AIF1L: variants seen among roughly 807,000 people sequenced by gnomAD.
AIF1L encodes the protein allograft inflammatory factor 1-like.
A neutral mutation model predicts 20.7 loss-of-function variants in AIF1L; 12 were observed. The observed-to-expected ratio is 0.58, with a 90% confidence interval of 0.37 to 0.94. The LOEUF is 0.94. Ranked by LOEUF, AIF1L falls within the 40% of genes least tolerant of loss-of-function variation. The probability of loss-of-function intolerance (pLI) is 0.01; values close to 1 mark genes in which losing one functional copy is unlikely to be tolerated. For synonymous variants in AIF1L, 76 were observed against 65.1 expected (o/e 1.17, Z -0.81); for missense variants, 173 against 185.3 (o/e 0.93, Z 0.39).
Position 131,114,610 on chromosome 9 carries a change from G to C in AIF1L, c.194G>C (p.Gly65Ala), listed in dbSNP as rs977308355. ...KYMEFDLNNE[G>A]EIDLMSLKRM... ...ATGGAGTTTGACCTGAACAATGAAG[G>C]CGAGATTGGTGAGTGAAGCCTTGAG... is the stretch of plus-strand genomic sequence containing the variant. Residue 65 changes from glycine to alanine, a missense_variant, in exon 4 of 6, where the codon GGC becomes GCC. Transcript: ENST00000247291. 11 of 1,614,038 alleles carry C rather than the reference G, an allele frequency of 6.8e-6. No homozygotes were observed. The African/African-American group carries it at 1.3e-4, about 20-fold the overall frequency.
rs1433954176 is a variant in AIF1L, at chr9:131,123,111, T to G, written c.*2789T>G. ...GGAGTGTGCGTGGACTGGGATATCA[T>G]CTCTACAGCCTGCAAATAAACCAGA... On this transcript the variant is annotated 3_prime_UTR_variant, in exon 6 of 6. Transcript: ENST00000247291. 2 of 152,284 alleles carry G rather than the reference T, an allele frequency of 1.3e-5. No homozygotes were observed. The highest frequency in any genetic ancestry group is 2.9e-5 in the Non-Finnish European group (2 of 68,066). The allele number at this position is 152,284 out of a possible 1,614,324, so 9.4% of individuals were successfully genotyped here.
intron 2 of AIF1L, among the ~76,000 whole-genome samples, chr9:131,097,208 A>G (rs944533031): frequency 3.9e-5 from 6 of 152,216 alleles, no homozygotes; most frequent in Admixed American, 2.6e-4. Context: ...GCCCTAGGCC[A>G]GTGATCTCTC....
intron 2 of AIF1L, among the ~76,000 whole-genome samples, chr9:131,106,594 G>A (rs1356973818): frequency 1.3e-5 from 2 of 151,492 alleles, no homozygotes; most frequent in East Asian, 1.9e-4. Flanking sequence ...ACCAGCCTGG[G>A]CAACAGAGGG....
intron 2 of AIF1L, among the ~76,000 whole-genome samples, chr9:131,106,833 C>T (rs995251539): frequency 3.9e-5 from 6 of 151,942 alleles, no homozygotes; most frequent in Non-Finnish European, 4.4e-5. Flanking sequence ...TGGTGGCTCA[C>T]GCCTGTGATG....
At chr9:131,110,131 G>C (rs1340733267) in intron 2 of AIF1L, among the ~76,000 whole-genome samples, 1 of 152,198 alleles carries the variant, frequency 6.6e-6, no homozygotes, top group African/African-American at 2.4e-5. Flanking sequence ...AGGATCACTT[G>C]AGATCGGGAG....
chr9:131,102,959 G>A (rs1398664567), intron 2 of AIF1L: 2 of 456,264 alleles, frequency 4.4e-6, no homozygotes, highest in Non-Finnish European at 4.4e-6. Flanking sequence ...TGGAGGGCCA[G>A]GAGCAAGGGT....
intron 2 of AIF1L, among the ~76,000 whole-genome samples, chr9:131,101,756 CT>C (rs1199184949): frequency 2.6e-5 from 4 of 151,952 alleles, no homozygotes; most frequent in African/African-American, 9.7e-5. Flanking sequence ...ACCCTGGCCC[CT>C]GTCACCAGGT....
intron 2 of AIF1L, chr9:131,106,071 G>A (rs1281101612): frequency 4.0e-5 from 46 of 1,152,744 alleles, no homozygotes; most frequent in Non-Finnish European, 5.4e-5. Context: ...CTCCCTCCTC[G>A]GGCTCCTCAA....
chr9:131,106,353 G>A lies in AIF1L; in HGVS notation c.94-5244G>A, dbSNP rs1488434924. The A allele has an allele frequency of 1.7e-5, 17 of 997,240 alleles. No individual in the cohort carries two copies. In the East Asian group the frequency reaches 1.8e-4, roughly 11 times the overall value. The allele number at this position is 997,240 out of a possible 1,614,324, so 61.8% of individuals were successfully genotyped here. A position where few individuals can be genotyped will look rare whatever the true frequency, so the allele number is the denominator to read the frequency against. On this transcript the variant is annotated intron_variant, in intron 2 of 5. Transcript: ENST00000247291. ...GCTATGTGGAACCTACATTCTAGCC[G>A]GGGAGGCAGAGAGGGTGTAGTAACC...
At chr9:131,113,439 A>G (rs1158784855) in intron 3 of AIF1L, among the ~76,000 whole-genome samples, 1 of 141,366 alleles carries the variant, frequency 7.1e-6, no homozygotes, top group Non-Finnish European at 1.5e-5. Context: ...CAGAGGTTGC[A>G]GTGAGCTGAG....
At chr9:131,112,946 A>G (rs1001687836) in intron 3 of AIF1L, among the ~76,000 whole-genome samples, 1 of 152,098 alleles carries the variant, frequency 6.6e-6, no homozygotes, top group African/African-American at 2.4e-5. Flanking sequence ...AGGAAGTTAC[A>G]TCATTCACTC....
intron 2 of AIF1L, among the ~76,000 whole-genome samples, chr9:131,100,893 CTTTT>C (rs1280367832): frequency 6.6e-6 from 1 of 152,090 alleles, no homozygotes; most frequent in African/African-American, 2.4e-5. Context: ...CAAGTGAGGT[CTTTT>C]TTCTTTCTTT....
At chr9:131,113,691 G>A (rs79349738) in intron 3 of AIF1L, among the ~76,000 whole-genome samples, 1,693 of 152,142 alleles carry the variant, frequency 0.011, 23 homozygotes, top group Non-Finnish European at 0.015. Flanking sequence ...AAAAAGAAAG[G>A]GTGGGGAGCC....
At chr9:131,107,104 TAAAAC>T (rs1005133850) in intron 2 of AIF1L, among the ~76,000 whole-genome samples, 5 of 151,712 alleles carry the variant, frequency 3.3e-5, no homozygotes, top group Non-Finnish European at 5.9e-5. Flanking sequence ...AAAACAAAAA[TAAAAC>T]AAAACAAAAA....
At chr9:131,109,191 A>G (rs2133388759) in intron 2 of AIF1L, among the ~76,000 whole-genome samples, 1 of 45,118 alleles carries the variant, frequency 2.2e-5, no homozygotes, top group South Asian at 1.5e-3. Flanking sequence ...CAGAATGTTG[A>G]ATGAGTGAAT....
intron 2 of AIF1L, chr9:131,098,020 C>G (rs1830562082): frequency 6.6e-6 from 1 of 152,510 alleles, no homozygotes; most frequent in East Asian, 1.9e-4. Context: ...AGCTGACAGT[C>G]TGGAAGTGGG....
chr9:131,100,066 A>G (rs1370122960), intron 2 of AIF1L, among the ~76,000 whole-genome samples: 1 of 152,010 alleles, frequency 6.6e-6, no homozygotes, highest in Non-Finnish European at 1.5e-5. Context: ...TAACAGAGAC[A>G]GGGTCTCACT....
intron 2 of AIF1L, chr9:131,106,381 A>G: frequency 1.3e-6 from 1 of 759,028 alleles, no homozygotes; most frequent in Non-Finnish European, 2.2e-6. Flanking sequence ...TAGTAACCTC[A>G]GTAAGCAGTG....
At chr9:131,098,583 A>G (rs1237229569) in intron 2 of AIF1L, among the ~76,000 whole-genome samples, 1 of 151,544 alleles carries the variant, frequency 6.6e-6, no homozygotes, top group Non-Finnish European at 1.5e-5. Flanking sequence ...TGGACAAGCC[A>G]GAAGAGCTAA....
Sources: gnomAD v4.1 joint callset for allele counts (sites outside exome capture counted in the v4.1 genomes callset) on GRCh38, gnomAD v4.1.1 for gene constraint, MANE v1.5 for transcripts, NCBI Gene and HGNC (gene_info 2026-07-23, HGNC 2026-07-21) for gene names.